Variants in MOXD1 observed in about 807,000 individuals in gnomAD.
The protein encoded by MOXD1 is DBH-like monooxygenase protein 1.
A neutral mutation model predicts 66.6 loss-of-function variants in MOXD1; 62 were observed. The ratio of observed to expected loss-of-function variants is 0.93; its 90% CI spans 0.76 to 1.15. The LOEUF is 1.15. MOXD1 is among the 50% of genes most tolerant of loss of function. MOXD1 has a pLI of 0.00. For synonymous variants in MOXD1, 303 were observed against 281.9 expected (o/e 1.07, Z -0.75); for missense variants, 847 against 754.6 (o/e 1.12, Z -1.44).
chr6:132,387,239 A>G (rs1312836186), intron 1 of MOXD1, among the ~76,000 whole-genome samples: 1 of 151,386 alleles, frequency 6.6e-6, no homozygotes, highest in Non-Finnish European at 1.5e-5. Context: ...GCCACATTGT[A>G]TTGAGCTAAT....
At chr6:132,316,094 T>C (rs1195254923) in intron 9 of MOXD1, among the ~76,000 whole-genome samples, 5 of 152,156 alleles carry the variant, frequency 3.3e-5, no homozygotes, top group Non-Finnish European at 5.9e-5. Context: ...ATCAGGAATT[T>C]TTGCAGGAAA....
In MOXD1 at chr6:132,349,412, T is replaced by TATATATAC. The variant is rs1554234236; in HGVS notation, c.664-20819_664-20818insGTATATAT. Among the ~76,000 whole-genome samples, 1,615 of 84,376 alleles carry TATATATAC rather than the reference T, an allele frequency of 0.019. 337 individuals are homozygous for TATATATAC. In the East Asian group the frequency reaches 0.34, roughly 18 times the overall value. 55.4% of individuals were successfully genotyped at this position (84,376 alleles called of 152,430 possible). A position where few individuals can be genotyped will look rare whatever the true frequency, so the allele number is the denominator to read the frequency against. Reference sequence around the variant, plus strand: ...ATATATACACATATATATACATATATATATATATACATATATATATATACA... The same window carrying TATATATAC: ...ATATATACACATATATATACATATATATATATACATATATATACATATATATATATACA... On this transcript the variant is annotated intron_variant, in intron 4 of 11. Transcript: ENST00000367963.
intron 1 of MOXD1, among the ~76,000 whole-genome samples, chr6:132,400,825 C>G (rs1405453749): frequency 6.6e-6 from 1 of 152,206 alleles, no homozygotes; most frequent in Non-Finnish European, 1.5e-5. Flanking sequence ...AAGCCAAAGC[C>G]TAGGTCCTTC....
intron 4 of MOXD1, among the ~76,000 whole-genome samples, chr6:132,367,500 G>T (rs1214819496): frequency 6.6e-6 from 1 of 151,988 alleles, no homozygotes; most frequent in Non-Finnish European, 1.5e-5. Context: ...TTTGCCTAAG[G>T]TCACACAACT....
At chr6:132,399,033 A>G (rs529110086) in intron 1 of MOXD1, among the ~76,000 whole-genome samples, 1 of 152,088 alleles carries the variant, frequency 6.6e-6, no homozygotes, top group South Asian at 2.1e-4. Flanking sequence ...TTAAATAAAT[A>G]GTTTCTAGAG....
chr6:132,331,902 C>T (rs970092555), intron 4 of MOXD1, among the ~76,000 whole-genome samples: 3 of 152,076 alleles, frequency 2.0e-5, no homozygotes, highest in African/African-American at 7.2e-5. Flanking sequence ...GGCAAGTTGC[C>T]GACAGCTGTC....
intron 1 of MOXD1, among the ~76,000 whole-genome samples, chr6:132,383,974 G>T (rs1412650142): frequency 6.6e-6 from 1 of 152,142 alleles, no homozygotes; most frequent in Non-Finnish European, 1.5e-5. Flanking sequence ...GGAGGCTGAG[G>T]CTGGAGAATC....
At chr6:132,348,995 C>G (rs1410054561) in intron 4 of MOXD1, among the ~76,000 whole-genome samples, 1 of 151,384 alleles carries the variant, frequency 6.6e-6, no homozygotes, top group Admixed American at 6.6e-5. Flanking sequence ...TTTTATTTTT[C>G]CAAGGGTTAC....
chr6:132,327,539 C>T (rs1207530024), intron 6 of MOXD1, among the ~76,000 whole-genome samples: 1 of 152,160 alleles, frequency 6.6e-6, no homozygotes, highest in Non-Finnish European at 1.5e-5. Flanking sequence ...CATTTCTTTA[C>T]TTCAATATCA....
intron 4 of MOXD1, among the ~76,000 whole-genome samples, chr6:132,354,668 CT>C (rs1466311463): frequency 6.6e-6 from 1 of 152,178 alleles, no homozygotes; most frequent in African/African-American, 2.4e-5. Flanking sequence ...AGAGCATCAG[CT>C]GTGGTGGTAC....
chr6:132,392,408 G>A (rs1478014076), intron 1 of MOXD1: 19 of 1,432,022 alleles, frequency 1.3e-5, no homozygotes, highest in Middle Eastern at 1.8e-4. Context: ...ATTCAACAAC[G>A]TTGCTCTCTT....
chr6:132,383,087 T>C (rs1776543977), intron 1 of MOXD1, among the ~76,000 whole-genome samples: 3 of 152,348 alleles, frequency 2.0e-5, no homozygotes, highest in Admixed American at 2.0e-4. Flanking sequence ...TCTGTCATCA[T>C]TTTCTTCAAC....
At chr6:132,389,527 T>C (rs1486246956) in intron 1 of MOXD1, among the ~76,000 whole-genome samples, 1 of 151,504 alleles carries the variant, frequency 6.6e-6, no homozygotes, top group African/African-American at 2.4e-5. Context: ...TTGAAAAATA[T>C]ATTAATGCCT....
At chr6:132,297,730 G>C in intron 11 of MOXD1, 57 bp downstream of exon 11, 2 of 1,512,120 alleles carry the variant, frequency 1.3e-6, no homozygotes. Context: ...AGGTTTTCCT[G>C]TAATAGATTC....
At chr6:132,335,202 A>G (rs921715028) in intron 4 of MOXD1, among the ~76,000 whole-genome samples, 3 of 134,858 alleles carry the variant, frequency 2.2e-5, no homozygotes, top group African/African-American at 5.6e-5. Context: ...CGAGTATTGG[A>G]AAAAAAAAAA....
At chr6:132,318,178 C>T (rs1038726862) in intron 9 of MOXD1, among the ~76,000 whole-genome samples, 2 of 151,928 alleles carry the variant, frequency 1.3e-5, no homozygotes, top group African/African-American at 4.8e-5. Context: ...ACATATTTCT[C>T]TCCTGAAACA....
At chr6:132,376,501 CTTTTTTTTTTTTTT>C (rs1166086289) in intron 1 of MOXD1, among the ~76,000 whole-genome samples, 3 of 65,360 alleles carry the variant, frequency 4.6e-5, no homozygotes, top group Non-Finnish European at 7.3e-5. Flanking sequence ...ACTACAGCTT[CTTTTTTTTTTTTTT>C]TTTTTTTTTT....
intron 8 of MOXD1, 35 bp from the exon 9 acceptor site, chr6:132,320,723 T>C: frequency 6.5e-7 from 1 of 1,542,138 alleles, no homozygotes; most frequent in South Asian, 1.2e-5. Context: ...CAGATTGAAG[T>C]TTTATGCTGG....
At chr6:132,328,178 C>G (rs1173114447) in intron 5 of MOXD1, 63 bp from the exon 6 acceptor site, 2 of 1,394,982 alleles carry the variant, frequency 1.4e-6, no homozygotes, top group East Asian at 4.6e-5. Context: ...CTATTCCACT[C>G]AAAAACCAGC....
Sources: gnomAD v4.1 joint callset for allele counts (sites outside exome capture counted in the v4.1 genomes callset) on GRCh38, gnomAD v4.1.1 for gene constraint, MANE v1.5 for transcripts, NCBI Gene and HGNC (gene_info 2026-07-23, HGNC 2026-07-21) for gene names.